IKZF3: variants seen among roughly 807,000 people sequenced by gnomAD.
IKZF3 encodes the protein IKAROS family zinc finger 3.
A neutral mutation model predicts 49.0 loss-of-function variants in IKZF3; 10 were observed. The ratio of observed to expected loss-of-function variants is 0.20; its 90% CI spans 0.13 to 0.35. IKZF3 has a LOEUF of 0.35. Among genes scored for constraint, IKZF3 ranks in the 10% least tolerant of loss-of-function variants. IKZF3 has a pLI of 1.00. For missense variants in IKZF3, 498 were observed against 664.8 expected, an observed-to-expected ratio of 0.75 and a Z score of 2.76; for synonymous variants, 209 against 228.2, an observed-to-expected ratio of 0.92 and a Z score of 0.76.
At chr17:39,834,905 C>A in intron 1 of IKZF3, 2 of 339,302 alleles carry the variant, frequency 5.9e-6, no homozygotes, top group Non-Finnish European at 5.7e-6. Flanking sequence ...GTGGCCTCCT[C>A]CACAGGCTCT....
chr17:39,842,933 G>A (rs1399438753), intron 1 of IKZF3, among the ~76,000 whole-genome samples: 1 of 152,170 alleles, frequency 6.6e-6, no homozygotes, highest in African/African-American at 2.4e-5. Flanking sequence ...GTAGAACACA[G>A]CATCACTTCT....
At chr17:39,847,402 A>G (rs2062666550) in intron 1 of IKZF3, among the ~76,000 whole-genome samples, 1 of 152,162 alleles carries the variant, frequency 6.6e-6, no homozygotes, top group African/African-American at 2.4e-5. Context: ...TGGGTTATAC[A>G]GCCTCTGCTT....
chr17:39,823,465 A>G (rs182978641), intron 3 of IKZF3, among the ~76,000 whole-genome samples: 12 of 152,338 alleles, frequency 7.9e-5, no homozygotes, highest in Admixed American at 6.5e-4. Flanking sequence ...CAGCTGCATA[A>G]ATTTGCATAA....
Position 39,766,371 on chromosome 17 carries a change from C to T in IKZF3, c.949G>A (p.Ala317Thr), listed in dbSNP as rs778100561. ...TGGACCAAGGGGCGCAGGGCTTCGGCGCCAAGATAGCTGATGGCGTTATTG... is the reference window on the plus strand; with the variant it reads ...TGGACCAAGGGGCGCAGGGCTTCGGTGCCAAGATAGCTGATGGCGTTATTG... ...AINNAISYLG[A>T]EALRPLVQTP... Residue 317 changes from alanine (A) to threonine (T), a missense_variant, in exon 8 of 8, where the codon GCC becomes ACC. Physicochemically the swap from Ala to Thr is moderately conservative, Grantham distance 58. Coordinates refer to ENST00000346872, the MANE Select transcript of IKZF3 (RefSeq NM_012481.5). 16 of 1,614,032 alleles carry T rather than the reference C, an allele frequency of 9.9e-6. No homozygotes were observed. Among genetic ancestry groups the T allele is most frequent in the South Asian group, 1.1e-5 (1 of 91,092 alleles).
chr17:39,789,003 T>A (rs2060942309), intron 5 of IKZF3, among the ~76,000 whole-genome samples: 1 of 152,148 alleles, frequency 6.6e-6, no homozygotes, highest in Admixed American at 6.5e-5. Flanking sequence ...AGTGGTGAAA[T>A]CACAGCTCGC....
chr17:39,832,630 A>G (rs1399894252), intron 1 of IKZF3, among the ~76,000 whole-genome samples: 1 of 152,120 alleles, frequency 6.6e-6, no homozygotes, highest in Admixed American at 6.6e-5. Context: ...TAAGTCAGGC[A>G]CAGAAAGACA....
intron 1 of IKZF3, among the ~76,000 whole-genome samples, chr17:39,859,223 AG>A (rs1392435193): frequency 1.3e-5 from 2 of 151,952 alleles, no homozygotes; most frequent in African/African-American, 4.8e-5. Context: ...TAGGGATAAA[AG>A]TATTTTGATG....
At chr17:39,813,573 G>A (rs2061611175) in intron 3 of IKZF3, among the ~76,000 whole-genome samples, 1 of 151,978 alleles carries the variant, frequency 6.6e-6, no homozygotes, top group African/African-American at 2.4e-5. Context: ...GAGCCTGGGA[G>A]GTTGGGGCTG....
At chr17:39,842,462 C>T (rs538776274) in intron 1 of IKZF3, among the ~76,000 whole-genome samples, 7 of 152,154 alleles carry the variant, frequency 4.6e-5, no homozygotes, top group Admixed American at 1.3e-4. Context: ...AAGTCGGGAA[C>T]ATTTTGCTGT....
chr17:39,794,067 A>G (rs949496364), intron 3 of IKZF3, among the ~76,000 whole-genome samples: 5 of 152,236 alleles, frequency 3.3e-5, no homozygotes, highest in Admixed American at 3.3e-4. Context: ...TCACAAATCA[A>G]TGGAGTGTAG....
rs527242857 is a variant in IKZF3 at position 39,786,207 on chromosome 17, T to C, written c.709+2051A>G. On this transcript the variant is annotated intron_variant, in intron 6 of 7. Coordinates refer to ENST00000346872, the MANE Select transcript of IKZF3 (RefSeq NM_012481.5). ...CTTTAAAAAGGTAAATTTTATAGCA[T>C]GTGAGTTATATCTCAAGTTTTTGAA... Among the ~76,000 whole-genome samples the C allele has an allele frequency of 5.2e-4, 79 of 152,370 alleles. 1 individual carries two copies. Among genetic ancestry groups the C allele is most frequent in the African/African-American group, 1.8e-3 (75 of 41,590 alleles).
chr17:39,835,128 C>T (rs2062233865), intron 1 of IKZF3: 2 of 461,172 alleles, frequency 4.3e-6, no homozygotes, highest in Non-Finnish European at 8.5e-6. Context: ...GCTTGTAAGG[C>T]CCCTGTAGGC....
rs1310117251 is a variant in IKZF3, at chr17:39,864,165, CT to C, written c.-40del. 1.2e-6 allele frequency: 2 copies of C among 1,610,358 alleles called. No homozygotes were observed. The highest frequency in any genetic ancestry group is 3.4e-5 in the Admixed American group (2 of 59,654). On this transcript the variant is annotated 5_prime_UTR_variant, in exon 1 of 8. Transcript: ENST00000346872. ...CGGGCTGGAGCTGCCGCTGTGGCTACTCGGCCTCTCCACGTGCTCCTGCCGT... is the reference window on the plus strand; with the variant it reads ...CGGGCTGGAGCTGCCGCTGTGGCTACCGGCCTCTCCACGTGCTCCTGCCGT...
At chr17:39,844,614 G>C (rs183780679) in intron 1 of IKZF3, among the ~76,000 whole-genome samples, 15 of 151,460 alleles carry the variant, frequency 9.9e-5, no homozygotes, top group African/African-American at 3.4e-4. Context: ...CATTTTTTTG[G>C]GGGGGACAGA....
At chr17:39,850,907 GTATAT>G (rs1167632237) in intron 1 of IKZF3, among the ~76,000 whole-genome samples, 3 of 111,174 alleles carry the variant, frequency 2.7e-5, no homozygotes, top group Non-Finnish European at 5.7e-5. Flanking sequence ...TATTATATAC[GTATAT>G]TATATATACA....
chr17:39,833,021 T>A (rs2062158641), intron 1 of IKZF3, among the ~76,000 whole-genome samples: 1 of 152,084 alleles, frequency 6.6e-6, no homozygotes. Flanking sequence ...CAATAAAAAA[T>A]TTTAAAAAAA....
chr17:39,811,406 GAAAGGAAGGAAGA>G (rs991210260), intron 3 of IKZF3, among the ~76,000 whole-genome samples: 7 of 145,380 alleles, frequency 4.8e-5, no homozygotes, highest in African/African-American at 7.9e-5. Flanking sequence ...ACGGAAGGAA[GAAAGGAAGGAAGA>G]AAAGGAAGGA....
chr17:39,833,272 A>C (rs1010605890), intron 1 of IKZF3, among the ~76,000 whole-genome samples: 1 of 152,208 alleles, frequency 6.6e-6, no homozygotes, highest in Non-Finnish European at 1.5e-5. Context: ...AGTAAATTTT[A>C]CATACAGTGA....
In IKZF3 at chr17:39,825,853, A is replaced by G. The variant is rs964563491; in HGVS notation, c.163+3534T>C. On this transcript the variant is annotated intron_variant, in intron 3 of 7. Transcript: ENST00000346872. ...CATTGCCCAGAAGAGTTCTATAATA[A>G]CATAGAAATAGTTTATAGAGAATCA... 2.6e-5 allele frequency among the ~76,000 whole-genome samples: 4 copies of G among 152,178 alleles called. No individual in the cohort carries two copies. The South Asian group carries it at 6.2e-4, about 24-fold the overall frequency.
Sources: gnomAD v4.1 joint callset for allele counts (sites outside exome capture counted in the v4.1 genomes callset) on GRCh38, gnomAD v4.1.1 for gene constraint, MANE v1.5 for transcripts, NCBI Gene and HGNC (gene_info 2026-07-23, HGNC 2026-07-21) for gene names.